Variants in NRXN1 observed in about 807,000 individuals in gnomAD.
NRXN1 encodes the protein neurexin-1.
In NRXN1, 39 loss-of-function variants were observed where a neutral mutation model predicts 150.9. The ratio of observed to expected loss-of-function variants is 0.26; its 90% CI spans 0.20 to 0.34. NRXN1 has a LOEUF of 0.34. Among genes scored for constraint, NRXN1 ranks in the 10% least tolerant of loss-of-function variants. NRXN1 has a pLI of 1.00. For synonymous variants in NRXN1, 924 were observed against 757.0 expected, an observed-to-expected ratio of 1.22 and a Z score of -3.62; for missense variants, 1,815 against 1,949.9, an observed-to-expected ratio of 0.93 and a Z score of 1.30.
chr2:50,982,860 ACT>A (rs749207097), intron 2 of NRXN1, among the ~76,000 whole-genome samples: 1 of 151,890 alleles, frequency 6.6e-6, no homozygotes. Flanking sequence ...CATTCCAATA[ACT>A]CTGTTTTTAA....
intron 5 of NRXN1, among the ~76,000 whole-genome samples, chr2:50,891,455 A>G (rs1362290985): frequency 1.3e-5 from 2 of 152,050 alleles, no homozygotes; most frequent in Non-Finnish European, 2.9e-5. Context: ...ATACTTAAAT[A>G]TACACGAGTA....
intron 18 of NRXN1, among the ~76,000 whole-genome samples, chr2:50,209,730 T>G (rs538242833): frequency 1.5e-4 from 23 of 152,208 alleles, no homozygotes; most frequent in African/African-American, 5.5e-4. Flanking sequence ...ATTTAACAGA[T>G]ATCTGATTTA....
intron 17 of NRXN1, among the ~76,000 whole-genome samples, chr2:50,308,225 C>A (rs78830249): frequency 0.012 from 1,901 of 152,238 alleles, 35 homozygotes; most frequent in African/African-American, 0.043. Flanking sequence ...TGAAAAACGT[C>A]AATTGTGTAT....
chr2:50,560,613 G>A (rs1668930582), intron 8 of NRXN1, among the ~76,000 whole-genome samples: 1 of 152,100 alleles, frequency 6.6e-6, no homozygotes, highest in South Asian at 2.1e-4. Context: ...TGGATTTTTA[G>A]TAGAGACGGG....
intron 5 of NRXN1, among the ~76,000 whole-genome samples, chr2:50,815,326 T>C (rs1326185453): frequency 6.6e-6 from 1 of 152,186 alleles, no homozygotes; most frequent in Non-Finnish European, 1.5e-5. Context: ...TTATGTCTTT[T>C]CTAAATCCCA....
chr2:50,176,634 G>A (rs1327390575), intron 18 of NRXN1, among the ~76,000 whole-genome samples: 1 of 151,988 alleles, frequency 6.6e-6, no homozygotes, highest in East Asian at 1.9e-4. Flanking sequence ...ATGAAAGGAT[G>A]GCATATAAAG....
At chr2:50,880,181 A>G (rs748147225) in intron 5 of NRXN1, among the ~76,000 whole-genome samples, 14 of 151,948 alleles carry the variant, frequency 9.2e-5, no homozygotes, top group Non-Finnish European at 2.1e-4. Flanking sequence ...AGTTATCCCC[A>G]AGAGAAAAAA....
chr2:50,864,903 T>A (rs1325606749), intron 5 of NRXN1, among the ~76,000 whole-genome samples: 2 of 151,896 alleles, frequency 1.3e-5, no homozygotes, highest in Non-Finnish European at 2.9e-5. Flanking sequence ...AAGTCCAGGG[T>A]GGGGCCTTTC....
At chr2:50,430,945 C>T (rs535903058) in intron 17 of NRXN1, among the ~76,000 whole-genome samples, 135 of 152,222 alleles carry the variant, frequency 8.9e-4, no homozygotes, top group Middle Eastern at 3.4e-3. Context: ...AATGCCTCAT[C>T]CACAAAGGAG....
At chr2:50,399,771 C>A in intron 17 of NRXN1, among the ~76,000 whole-genome samples, 3 of 91,976 alleles carry the variant, frequency 3.3e-5, no homozygotes, top group African/African-American at 4.2e-5. Context: ...CTACCCAGCT[C>A]TGTAACGAGA....
intron 21 of NRXN1, among the ~76,000 whole-genome samples, chr2:50,012,611 G>C (rs1685891965): frequency 6.6e-6 from 1 of 152,180 alleles, no homozygotes; most frequent in South Asian, 2.1e-4. Flanking sequence ...CAAGGAAACA[G>C]TCTTTGTCCT....
At chr2:50,049,771 G>T (rs999337866) in intron 21 of NRXN1, among the ~76,000 whole-genome samples, 4 of 151,990 alleles carry the variant, frequency 2.6e-5, no homozygotes, top group Non-Finnish European at 5.9e-5. Context: ...AGTTTAATTA[G>T]AAGAGGGGGA....
At chr2:50,921,796 AATAC>A in intron 5 of NRXN1, 69 bp downstream of exon 5, 1 of 704,130 alleles carries the variant, frequency 1.4e-6, no homozygotes, top group Non-Finnish European at 2.2e-6. Flanking sequence ...AAAAGGTCTA[AATAC>A]ATTTATGTAA....
chr2:50,638,681 G>C (rs1396343120), intron 5 of NRXN1, among the ~76,000 whole-genome samples: 2 of 151,852 alleles, frequency 1.3e-5, no homozygotes, highest in Non-Finnish European at 2.9e-5. Context: ...TCTACTTGTG[G>C]GTAAACCAAA....
At chr2:50,289,814 G>A (rs2072681859) in intron 17 of NRXN1, among the ~76,000 whole-genome samples, 1 of 152,096 alleles carries the variant, frequency 6.6e-6, no homozygotes, top group Non-Finnish European at 1.5e-5. Context: ...CTTGGATTCA[G>A]TGCACAGGAA....
intron 17 of NRXN1, among the ~76,000 whole-genome samples, chr2:50,292,818 T>C (rs1309854389): frequency 6.6e-6 from 1 of 152,184 alleles, no homozygotes; most frequent in African/African-American, 2.4e-5. Context: ...TTAAACAATC[T>C]CAATAATGCC....
intron 18 of NRXN1, among the ~76,000 whole-genome samples, chr2:50,120,428 T>G (rs1703700887): frequency 6.6e-6 from 1 of 152,132 alleles, no homozygotes; most frequent in Admixed American, 6.5e-5. Flanking sequence ...TGCAAAGTAT[T>G]GATCAGAATA....
intron 5 of NRXN1, among the ~76,000 whole-genome samples, chr2:50,874,521 CATCACGTTTTGAGAAT>C (rs1281569693): frequency 6.6e-6 from 1 of 151,696 alleles, no homozygotes. Context: ...TTACTGTTAG[CATCACGTTTTGAGAAT>C]AATTTTTGAT....
chr2:50,506,214 G>A (rs976866207), intron 13 of NRXN1, among the ~76,000 whole-genome samples: 13 of 151,998 alleles, frequency 8.6e-5, no homozygotes, highest in African/African-American at 3.1e-4. Context: ...AATATTTGAT[G>A]AGGCACCAAG....
Sources: allele counts gnomAD v4.1 joint callset (sites outside exome capture counted in the v4.1 genomes callset), GRCh38; gene constraint gnomAD v4.1.1; transcripts MANE v1.5; gene names NCBI Gene and HGNC (gene_info 2026-07-23, HGNC 2026-07-21).